The following DIP2B variants were observed in gnomAD, a reference collection of about 807,000 sequenced individuals.
The protein encoded by DIP2B is disco-interacting protein 2 homolog B.
Under a neutral mutation model 198.0 loss-of-function variants are expected in DIP2B, and 76 were observed. The ratio of observed to expected loss-of-function variants is 0.38; its 90% CI spans 0.32 to 0.46. The LOEUF is 0.46. Among genes scored for constraint, DIP2B ranks in the 20% least tolerant of loss-of-function variants. The probability of loss-of-function intolerance (pLI) is 0.99; values close to 1 mark genes in which losing one functional copy is unlikely to be tolerated. For missense variants in DIP2B, 1,559 were observed against 1,978.4 expected, an observed-to-expected ratio of 0.79 and a Z score of 4.02; for synonymous variants, 701 against 739.1, an observed-to-expected ratio of 0.95 and a Z score of 0.84.
intron 1 of DIP2B, among the ~76,000 whole-genome samples, chr12:50,598,282 A>C (rs1421389942): frequency 6.6e-6 from 1 of 152,124 alleles, no homozygotes; most frequent in Non-Finnish European, 1.5e-5. Context: ...TCATCACAAG[A>C]TGTGGCCTTC....
intron 1 of DIP2B, among the ~76,000 whole-genome samples, chr12:50,529,223 T>C (rs1460267206): frequency 2.0e-5 from 3 of 152,088 alleles, no homozygotes; most frequent in Non-Finnish European, 4.4e-5. Flanking sequence ...CTCAGGGAGA[T>C]GGAGGCTCCG....
intron 3 of DIP2B, among the ~76,000 whole-genome samples, chr12:50,642,766 G>A (rs936397198): frequency 6.6e-6 from 1 of 152,150 alleles, no homozygotes; most frequent in African/African-American, 2.4e-5. Context: ...TCCAGCCTGG[G>A]CGACTGAGCG....
chr12:50,636,956 C>T (rs1024910893), intron 2 of DIP2B, among the ~76,000 whole-genome samples: 5 of 152,170 alleles, frequency 3.3e-5, no homozygotes, highest in Non-Finnish European at 5.9e-5. Flanking sequence ...CTAGCACTCT[C>T]GTTCCTCTCT....
rs751606370 is a variant in DIP2B at position 50,606,679 on chromosome 12, A to G, written c.101-19297A>G. Among the ~76,000 whole-genome samples the G allele has an allele frequency of 6.6e-5, 10 of 152,172 alleles. No individual in the cohort carries two copies. In the South Asian group the frequency reaches 1.0e-3, roughly 16 times the overall value. On this transcript the variant is annotated intron_variant, in intron 1 of 37. Transcript: ENST00000301180. ...AATTTTTTTCTGAGATTTTAATTTA[A>G]TTTAATCTTTTTGATGGTCTCGCCC...
At chr12:50,737,758 T>C (rs1293416604) in intron 35 of DIP2B, among the ~76,000 whole-genome samples, 1 of 152,084 alleles carries the variant, frequency 6.6e-6, no homozygotes, top group African/African-American at 2.4e-5. Context: ...GGCTAACTTT[T>C]TGTATTTTTA....
In DIP2B at chr12:50,746,341, G is replaced by C. The variant is rs1339669345; in HGVS notation, c.*1502G>C. 6.6e-6 allele frequency: 1 copy of C among 152,124 alleles called. No individual in the cohort carries two copies. Among genetic ancestry groups the C allele is most frequent in the Non-Finnish European group, 1.5e-5 (1 of 68,018 alleles). 9.4% of individuals were successfully genotyped at this position (152,124 alleles called of 1,614,324 possible). A position where few individuals can be genotyped will look rare whatever the true frequency, so the allele number is the denominator to read the frequency against. On this transcript the variant is annotated 3_prime_UTR_variant, in exon 38 of 38. Coordinates refer to ENST00000301180, the MANE Select transcript of DIP2B (RefSeq NM_173602.3). ...GGTCTATTGTGTAAATATTTATTTA[G>C]ACTATTTTAATAATACATATTATTT...
chr12:50,543,955 C>T (rs1958351927), intron 1 of DIP2B, among the ~76,000 whole-genome samples: 1 of 135,432 alleles, frequency 7.4e-6, no homozygotes, highest in Non-Finnish European at 1.6e-5. Context: ...GGAGGCTGGG[C>T]ATGGTGGCTC....
chr12:50,716,866 G>C (rs574420017), intron 23 of DIP2B, among the ~76,000 whole-genome samples: 8 of 148,598 alleles, frequency 5.4e-5, no homozygotes, highest in Non-Finnish European at 7.4e-5. Flanking sequence ...GGGCTCCCCC[G>C]TTTATTTTGA....
intron 1 of DIP2B, among the ~76,000 whole-genome samples, chr12:50,579,029 T>A (rs763335839): frequency 3.3e-5 from 5 of 152,170 alleles, no homozygotes; most frequent in Non-Finnish European, 7.4e-5. Flanking sequence ...GTAAAAGATA[T>A]TGATTTTAGT....
intron 4 of DIP2B, among the ~76,000 whole-genome samples, chr12:50,662,897 T>C (rs1938676878): frequency 6.7e-6 from 1 of 149,642 alleles, no homozygotes. Flanking sequence ...GATCAGGAGG[T>C]CAGGAGTTCG....
At chr12:50,512,897 C>T (rs573518983) in intron 1 of DIP2B, among the ~76,000 whole-genome samples, 57 of 152,272 alleles carry the variant, frequency 3.7e-4, no homozygotes, top group Admixed American at 9.2e-4. Flanking sequence ...GTCCCAGCTA[C>T]TCGGGAGGCT....
At chr12:50,686,911 C>A in intron 12 of DIP2B, 1 of 391,782 alleles carries the variant, frequency 2.6e-6, no homozygotes, top group East Asian at 4.1e-5. Context: ...AAGGATTCTT[C>A]ATGTAAGAAA....
intron 1 of DIP2B, among the ~76,000 whole-genome samples, chr12:50,506,799 A>G (rs1222722116): frequency 6.6e-6 from 1 of 152,214 alleles, no homozygotes; most frequent in Non-Finnish European, 1.5e-5. Context: ...TTGACATTAA[A>G]TCTGTGTTGA....
At position 50,512,057 on chromosome 12, in the gene DIP2B, A is replaced by G. The variant is rs919821798; in HGVS notation, c.100+6817A>G. On this transcript the variant is annotated intron_variant, in intron 1 of 37. Transcript: ENST00000301180. ...ACCTTGGCTCCCCCAAAGTGCTGAG[A>G]TTATAGGTATGAGCCAGCCACCAAG... Among the ~76,000 whole-genome samples the G allele has an allele frequency of 2.7e-5, 4 of 147,656 alleles. No homozygotes were observed. The East Asian group carries it at 8.2e-4, about 30-fold the overall frequency.
At chr12:50,573,728 C>T (rs1958634979) in intron 1 of DIP2B, among the ~76,000 whole-genome samples, 1 of 152,214 alleles carries the variant, frequency 6.6e-6, no homozygotes, top group Non-Finnish European at 1.5e-5. Flanking sequence ...ATTTTGTTTA[C>T]ATTTCTTCCC....
chr12:50,602,060 C>A (rs1184088735), intron 1 of DIP2B, among the ~76,000 whole-genome samples: 1 of 152,164 alleles, frequency 6.6e-6, no homozygotes, highest in Non-Finnish European at 1.5e-5. Flanking sequence ...TTTGGAAGTC[C>A]CGCTTGTCAG....
At chr12:50,563,484 G>T (rs1028913302) in intron 1 of DIP2B, among the ~76,000 whole-genome samples, 1 of 136,514 alleles carries the variant, frequency 7.3e-6, no homozygotes, top group African/African-American at 2.7e-5. Context: ...ACTGCACCTG[G>T]CCTTTTTTTT....
At chr12:50,665,555 C>T (rs1027647738) in intron 4 of DIP2B, among the ~76,000 whole-genome samples, 1 of 152,138 alleles carries the variant, frequency 6.6e-6, no homozygotes, top group African/African-American at 2.4e-5. Context: ...CCAGCCTGGG[C>T]AACATAGCAA....
At chr12:50,596,581 C>G (rs573637898) in intron 1 of DIP2B, among the ~76,000 whole-genome samples, 55 of 152,180 alleles carry the variant, frequency 3.6e-4, no homozygotes, top group Non-Finnish European at 6.0e-4. Flanking sequence ...AGACAGAATT[C>G]ATGGCCAGGT....
Sources: allele counts gnomAD v4.1 joint callset (sites outside exome capture counted in the v4.1 genomes callset), GRCh38; gene constraint gnomAD v4.1.1; transcripts MANE v1.5; gene names NCBI Gene and HGNC (gene_info 2026-07-23, HGNC 2026-07-21).